SPATS2L: variants seen among roughly 807,000 people sequenced by gnomAD.
SPATS2L encodes SPATS2-like protein.
A neutral mutation model predicts 59.6 loss-of-function variants in SPATS2L; 30 were observed. The ratio of observed to expected loss-of-function variants is 0.50; its 90% CI spans 0.38 to 0.68. SPATS2L has a LOEUF of 0.68. Ranked by LOEUF, SPATS2L falls within the 30% of genes least tolerant of loss-of-function variation. The pLI is 0.00. For missense variants in SPATS2L, 615 were observed against 700.0 expected (o/e 0.88, Z 1.37); for synonymous variants, 252 against 263.5 (o/e 0.96, Z 0.42).
Position 200,440,711 on chromosome 2 carries a change from C to G in SPATS2L, c.715C>G (p.Arg239Gly), listed in dbSNP as rs1477801302. ...QRCTVSLTRYRVMIKEEVDSS... is the reference protein window; with the variant it reads ...QRCTVSLTRYGVMIKEEVDSS... Reference sequence around the variant, plus strand: ...CTGCACCGTTTCTCTAACTAGATATCGCGTCATGATTAAGGAAGAAGTGGA... The same window carrying G: ...CTGCACCGTTTCTCTAACTAGATATGGCGTCATGATTAAGGAAGAAGTGGA... Residue 239 changes from arginine (R) to glycine (G), a missense_variant, in exon 8 of 13, where the codon CGC becomes GGC. Arg to Gly is a moderately radical substitution (Grantham distance 125, BLOSUM62 -2). This residue lies in a region of SPATS2L where 104 missense variants were observed against 162.5 expected (regional missense o/e 0.64). Transcript: ENST00000409140. The G allele has an allele frequency of 3.1e-6, 5 of 1,613,450 alleles. No individual in the cohort carries two copies. In the African/African-American group the frequency reaches 6.7e-5, roughly 22 times the overall value.
intron 2 of SPATS2L, among the ~76,000 whole-genome samples, chr2:200,346,359 T>C (rs1004103194): frequency 1.1e-4 from 17 of 152,292 alleles, no homozygotes; most frequent in Admixed American, 3.3e-4. Context: ...GTTTTTCTCC[T>C]CAGGAAAGTG....
At position 200,315,249 on chromosome 2, in the gene SPATS2L, G is replaced by C. The variant is rs2079329763; in HGVS notation, c.-73+8327G>C. On this transcript the variant is annotated intron_variant, in intron 1 of 12. Transcript: ENST00000409140. Reference sequence around the variant, plus strand: ...TTTGGATAAGATTCAGAATTGGAGAGACAGCTTCTGAACGCTATAGCCAGG... The same window carrying C: ...TTTGGATAAGATTCAGAATTGGAGACACAGCTTCTGAACGCTATAGCCAGG... 2.0e-5 allele frequency among the ~76,000 whole-genome samples: 3 copies of C among 152,202 alleles called. No individual in the cohort carries two copies. The South Asian group carries it at 6.2e-4, about 31-fold the overall frequency.
chr2:200,327,385 CAG>C (rs1460735116), intron 1 of SPATS2L, among the ~76,000 whole-genome samples: 2 of 145,844 alleles, frequency 1.4e-5, no homozygotes, highest in South Asian at 2.3e-4. Flanking sequence ...GCCTGGGTGA[CAG>C]AGCGAGACTC....
In SPATS2L at chr2:200,477,054, T is replaced by C. The variant is rs144831296; in HGVS notation, c.1282-582T>C. Among the ~76,000 whole-genome samples, 31 of 152,316 alleles carry C rather than the reference T, an allele frequency of 2.0e-4. 1 individual carries two copies. The South Asian group carries it at 3.1e-3, about 15-fold the overall frequency. On this transcript the variant is annotated intron_variant, in intron 12 of 12. Transcript: ENST00000409140. ...ACGTGCAGCTGCTTCTCCTCTTCTC[T>C]GCTCTGTGCCAGTGGAGCCTGGGAT...
chr2:200,392,121 A>G (rs1211007058), intron 3 of SPATS2L, among the ~76,000 whole-genome samples: 1 of 152,166 alleles, frequency 6.6e-6, no homozygotes, highest in Non-Finnish European at 1.5e-5. Context: ...GTCTTTTTGT[A>G]TGCTGATGAG....
intron 12 of SPATS2L, among the ~76,000 whole-genome samples, chr2:200,473,407 T>C (rs1009333881): frequency 1.3e-5 from 2 of 152,186 alleles, no homozygotes; most frequent in Admixed American, 6.5e-5. Context: ...CCACAGAGAC[T>C]CTGGAACAAG....
At chr2:200,446,558 G>A (rs758892709) in intron 8 of SPATS2L, among the ~76,000 whole-genome samples, 3 of 152,106 alleles carry the variant, frequency 2.0e-5, no homozygotes, top group Non-Finnish European at 4.4e-5. Context: ...GCTGCTAACC[G>A]TCTCTCCCAC....
intron 8 of SPATS2L, among the ~76,000 whole-genome samples, chr2:200,456,868 G>A (rs1304862259): frequency 2.0e-5 from 3 of 152,134 alleles, no homozygotes; most frequent in Non-Finnish European, 2.9e-5. Context: ...ATTCAGGGAA[G>A]GGAATCCTAA....
chr2:200,391,474 A>G (rs1464730370), intron 3 of SPATS2L, among the ~76,000 whole-genome samples: 1 of 152,196 alleles, frequency 6.6e-6, no homozygotes, highest in Admixed American at 6.5e-5. Flanking sequence ...TTATTTTGAG[A>G]AAGACCCCAA....
At chr2:200,468,717 C>G (rs2086806811) in intron 10 of SPATS2L, among the ~76,000 whole-genome samples, 1 of 152,196 alleles carries the variant, frequency 6.6e-6, no homozygotes, top group African/African-American at 2.4e-5. Context: ...TCCACTAAGA[C>G]CAGACGTAAA....
intron 4 of SPATS2L, among the ~76,000 whole-genome samples, chr2:200,414,894 T>C (rs2083004086): frequency 6.6e-6 from 1 of 152,230 alleles, no homozygotes; most frequent in Admixed American, 6.5e-5. Flanking sequence ...AGAGGACTAA[T>C]TGAATATGGC....
chr2:200,416,871 C>T (rs1174722964), intron 5 of SPATS2L, among the ~76,000 whole-genome samples: 1 of 152,014 alleles, frequency 6.6e-6, no homozygotes, highest in Non-Finnish European at 1.5e-5. Context: ...GCTTTTTGGC[C>T]GAATTCTAAG....
At chr2:200,451,819 C>T (rs371172051) in intron 8 of SPATS2L, among the ~76,000 whole-genome samples, 13 of 144,680 alleles carry the variant, frequency 9.0e-5, no homozygotes, top group East Asian at 2.0e-4. Context: ...TTGCCCCCAC[C>T]GTTTTCTTTT....
In SPATS2L at chr2:200,364,456, T is replaced by C. The variant is rs370398582; in HGVS notation, c.-22-24767T>C. Among the ~76,000 whole-genome samples the C allele has an allele frequency of 3.3e-5, 5 of 152,330 alleles. 1 individual carries two copies. In the South Asian group the frequency reaches 1.0e-3, roughly 32 times the overall value. The stretch of plus-strand genomic sequence containing the variant: ...GGGCAAGATTTCCCACTGAGTGCCC[T>C]GTTCCCGTGTTTAGGTTGCCGATGG... On this transcript the variant is annotated intron_variant, in intron 2 of 12. Transcript: ENST00000409140.
At chr2:200,347,514 C>T (rs902298289) in intron 2 of SPATS2L, among the ~76,000 whole-genome samples, 3 of 152,164 alleles carry the variant, frequency 2.0e-5, no homozygotes, top group African/African-American at 4.8e-5. Flanking sequence ...ACAAAGCCCC[C>T]GGTTTGCATG....
intron 11 of SPATS2L, among the ~76,000 whole-genome samples, chr2:200,472,511 G>T (rs2087129792): frequency 6.6e-6 from 1 of 152,150 alleles, no homozygotes; most frequent in Non-Finnish European, 1.5e-5. Flanking sequence ...GAACCTTGAG[G>T]TTTCATTATC....
chr2:200,429,650 ATAAT>A (rs1194716061), intron 6 of SPATS2L, among the ~76,000 whole-genome samples: 4 of 152,172 alleles, frequency 2.6e-5, no homozygotes, highest in Admixed American at 6.5e-5. Context: ...GTGAATAATA[ATAAT>A]TAATAATAAT....
intron 1 of SPATS2L, among the ~76,000 whole-genome samples, chr2:200,316,316 G>A (rs2079376755): frequency 6.6e-6 from 1 of 152,178 alleles, no homozygotes; most frequent in African/African-American, 2.4e-5. Flanking sequence ...AACCTGGGCG[G>A]CTGTTTTTAT....
At position 200,361,086 on chromosome 2, in the gene SPATS2L, CA is replaced by C. The variant is rs1446280049; in HGVS notation, c.-22-28136del. ...CCCACTATTCCCCACCCCACCCCCC[CA>C]CACACACACATCCCTACACAGATAC... On this transcript the variant is annotated intron_variant, in intron 2 of 12. Transcript: ENST00000409140. Among the ~76,000 whole-genome samples, 219 of 93,668 alleles carry C rather than the reference CA, an allele frequency of 2.3e-3. 2 individuals are homozygous for C. Among genetic ancestry groups the C allele is most frequent in the African/African-American group, 7.3e-3 (63 of 8,580 alleles). The allele number at this position is 93,668 out of a possible 152,430, so 61.4% of individuals were successfully genotyped here. A position where few individuals can be genotyped will look rare whatever the true frequency, so the allele number is the denominator to read the frequency against.
Sources: gnomAD v4.1 joint callset for allele counts (sites outside exome capture counted in the v4.1 genomes callset) on GRCh38, gnomAD v4.1.1 for gene constraint, gnomAD v4.1.1 regional missense constraint, MANE v1.5 for transcripts, NCBI Gene and HGNC (gene_info 2026-07-23, HGNC 2026-07-21) for gene names.